The following MAGI3 variants were observed in gnomAD, a reference collection of about 807,000 sequenced individuals.
MAGI3 encodes membrane-associated guanylate kinase, WW and PDZ domain-containing protein 3.
MAGI3 carries 43 observed loss-of-function variants against 121.8 expected under a neutral mutation model. The ratio of observed to expected loss-of-function variants is 0.35; its 90% CI spans 0.28 to 0.46. The LOEUF (loss-of-function observed/expected upper bound fraction) is 0.46. MAGI3 is among the 20% of genes least tolerant of loss of function. MAGI3 has a pLI of 1.00. For missense variants in MAGI3, 1,547 were observed against 1,797.3 expected, an observed-to-expected ratio of 0.86 and a Z score of 2.52; for synonymous variants, 553 against 639.3, an observed-to-expected ratio of 0.86 and a Z score of 2.04.
chr1:113,631,033 G>A (rs916503122), intron 9 of MAGI3, among the ~76,000 whole-genome samples: 2 of 152,088 alleles, frequency 1.3e-5, no homozygotes, highest in Non-Finnish European at 2.9e-5. Context: ...GGCTAGGGTC[G>A]ACCCAAATGC....
Position 113,683,805 on chromosome 1 carries a change from C to A in MAGI3, c.4237C>A (p.Gln1413Lys). Residue 1413 changes from glutamine (Q) to lysine (K), a missense_variant, in exon 21 of 21, where the codon CAA becomes AAA. Physicochemically the swap from Gln to Lys is moderately conservative, Grantham distance 53. Coordinates refer to ENST00000307546, the MANE Select transcript of MAGI3 (RefSeq NM_001142782.2). ...NVQLSEKRLK[Q>K]EPEEKVVSNK... The stretch of plus-strand genomic sequence containing the variant: ...CCAGCTATCAGAAAAGAGGCTGAAG[C>A]AAGAACCTGAAGAGAAGGTAGTTTC... 6.2e-7 allele frequency: 1 copy of A among 1,609,694 alleles called. No homozygotes were observed. Among genetic ancestry groups the A allele is most frequent in the Non-Finnish European group, 8.5e-7 (1 of 1,177,846 alleles).
chr1:113,504,012 T>A (rs1657183702), intron 1 of MAGI3, among the ~76,000 whole-genome samples: 1 of 152,052 alleles, frequency 6.6e-6, no homozygotes, highest in East Asian at 1.9e-4. Flanking sequence ...TTTACTTTAA[T>A]AATAAGGTTA....
chr1:113,450,677 G>A (rs1570694281), intron 1 of MAGI3: 6 of 1,089,886 alleles, frequency 5.5e-6, no homozygotes, highest in Non-Finnish European at 8.5e-6. Flanking sequence ...CAGTCCCTAT[G>A]GTGGTGGTTA....
intron 18 of MAGI3, among the ~76,000 whole-genome samples, chr1:113,673,110 A>G (rs1358399687): frequency 6.6e-6 from 1 of 152,250 alleles, no homozygotes; most frequent in African/African-American, 2.4e-5. Context: ...CACATTGACC[A>G]ACTAGAAAAG....
At chr1:113,556,831 G>A (rs1206282887) in intron 2 of MAGI3, among the ~76,000 whole-genome samples, 1 of 152,018 alleles carries the variant, frequency 6.6e-6, no homozygotes, top group East Asian at 1.9e-4. Context: ...CTCCCAAAGT[G>A]TTGGAATTAC....
At chr1:113,401,591 G>T (rs1252922482) in intron 1 of MAGI3, among the ~76,000 whole-genome samples, 1 of 152,096 alleles carries the variant, frequency 6.6e-6, no homozygotes, top group Non-Finnish European at 1.5e-5. Flanking sequence ...ATATACTTGG[G>T]AAAATTGCAT....
chr1:113,437,813 TTC>T lies in MAGI3; in HGVS notation c.316+46466_316+46467del, dbSNP rs1392648962. On this transcript the variant is annotated intron_variant, in intron 1 of 20. Transcript: ENST00000307546. The stretch of plus-strand genomic sequence containing the variant: ...TTCCTTCTTCTTTCTTCTTTTCTTC[TTC>T]TTCTTCTTCTTCTTCTTCTTCTTCT... Among the ~76,000 whole-genome samples the T allele has an allele frequency of 0.022, 148 of 6,732 alleles. 1 individual carries two copies. The East Asian group carries it at 0.31, about 14-fold the overall frequency. The allele number at this position is 6,732 out of a possible 152,430, so 4.4% of individuals were successfully genotyped here. A position where few individuals can be genotyped will look rare whatever the true frequency, so the allele number is the denominator to read the frequency against.
At chr1:113,600,405 A>T (rs1649293289) in intron 6 of MAGI3, among the ~76,000 whole-genome samples, 1 of 151,300 alleles carries the variant, frequency 6.6e-6, no homozygotes, top group Admixed American at 6.6e-5. Context: ...TACAAAAATC[A>T]CAAGCATTCT....
At chr1:113,648,229 A>G (rs774406863) in intron 12 of MAGI3, among the ~76,000 whole-genome samples, 10 of 152,294 alleles carry the variant, frequency 6.6e-5, no homozygotes, top group South Asian at 4.1e-4. Context: ...AATAGGAAGT[A>G]TATATCAAAA....
At chr1:113,450,528 G>T in intron 1 of MAGI3, 1 of 1,019,944 alleles carries the variant, frequency 9.8e-7, no homozygotes. Context: ...GGATATGATG[G>T]TTACAATGAA....
intron 1 of MAGI3, among the ~76,000 whole-genome samples, chr1:113,418,256 A>G (rs72687923): frequency 0.022 from 3,371 of 152,230 alleles, 56 homozygotes; most frequent in Non-Finnish European, 0.033. Context: ...CTTCAAATGC[A>G]CTGTGATGGG....
At chr1:113,520,629 G>A (rs907070594) in intron 1 of MAGI3, among the ~76,000 whole-genome samples, 2 of 151,650 alleles carry the variant, frequency 1.3e-5, no homozygotes, top group African/African-American at 4.9e-5. Flanking sequence ...TTATGAGATG[G>A]AGTCTCACTC....
chr1:113,662,385 T>G (rs1653830334), intron 16 of MAGI3, among the ~76,000 whole-genome samples: 1 of 152,242 alleles, frequency 6.6e-6, no homozygotes, highest in Non-Finnish European at 1.5e-5. Context: ...ATCTTGTTTT[T>G]AAATATGGAA....
intron 16 of MAGI3, among the ~76,000 whole-genome samples, chr1:113,664,058 CT>C (rs1653917399): frequency 6.6e-6 from 1 of 152,062 alleles, no homozygotes; most frequent in South Asian, 2.1e-4. Flanking sequence ...AGTTATTTGT[CT>C]TTTTTATTGT....
intron 1 of MAGI3, among the ~76,000 whole-genome samples, chr1:113,479,227 C>T (rs1655998789): frequency 6.6e-6 from 1 of 152,170 alleles, no homozygotes; most frequent in Admixed American, 6.5e-5. Flanking sequence ...GTCTCGCCCT[C>T]CTTTGGCTCA....
intron 1 of MAGI3, among the ~76,000 whole-genome samples, chr1:113,399,020 A>AT (rs1651263364): frequency 6.6e-6 from 1 of 151,972 alleles, no homozygotes; most frequent in East Asian, 1.9e-4. Context: ...ACTTACATAC[A>AT]TTAAAATCCA....
chr1:113,503,472 A>G (rs1657150337), intron 1 of MAGI3, among the ~76,000 whole-genome samples: 1 of 151,930 alleles, frequency 6.6e-6, no homozygotes, highest in African/African-American at 2.4e-5. Flanking sequence ...ATGTACTAAA[A>G]TTCCCTAAAA....
chr1:113,405,474 C>CAAAAAAAAAAAAAAAAAAAAAA (rs5777158), intron 1 of MAGI3, among the ~76,000 whole-genome samples: 1 of 54,328 alleles, frequency 1.8e-5, no homozygotes, highest in African/African-American at 7.5e-5. Context: ...GAAACTGTCT[C>CAAAAAAAAAAAAAAAAAAAAAA]AAAAAAAAAA....
chr1:113,624,588 T>A (rs1651102031), intron 9 of MAGI3, among the ~76,000 whole-genome samples: 1 of 152,230 alleles, frequency 6.6e-6, no homozygotes, highest in African/African-American at 2.4e-5. Flanking sequence ...TTGTTTGAGC[T>A]CCTTATATAT....
Sources: gnomAD v4.1 joint callset for allele counts (sites outside exome capture counted in the v4.1 genomes callset) on GRCh38, gnomAD v4.1.1 for gene constraint, MANE v1.5 for transcripts, NCBI Gene and HGNC (gene_info 2026-07-23, HGNC 2026-07-21) for gene names.